CDKN2B-AS1: variants seen among roughly 807,000 people sequenced by gnomAD.
CDKN2B-AS1 encodes the protein CDKN2B and CDKN2A antisense cis and trans regulatory RNA 1, also known as CDKN2B antisense RNA 1 (non-protein coding).
At chr9:22,108,968 G>T (rs1485928296) in intron 4 of CDKN2B-AS1, among the ~76,000 whole-genome samples, 1 of 152,090 alleles carries the variant, frequency 6.6e-6, no homozygotes, top group Non-Finnish European at 1.5e-5. Flanking sequence ...AAAACTGAAA[G>T]ATGAAAACAT....
chr9:22,050,870 C>T (rs1412499190), intron 3 of CDKN2B-AS1, among the ~76,000 whole-genome samples: 1 of 152,174 alleles, frequency 6.6e-6, no homozygotes, highest in Non-Finnish European at 1.5e-5. Flanking sequence ...AGTGTGTGAC[C>T]TGCAAAGTGC....
At position 21,997,114 on chromosome 9, in the gene CDKN2B-AS1, A is replaced by C. The variant is rs908262659; in HGVS notation, n.29+1953A>C. On this transcript the variant is annotated intron_variant and non_coding_transcript_variant, in intron 1 of 4. Transcript: ENST00000650946. The surrounding 1 kb of genome is among the most constrained non-coding windows in gnomAD (Gnocchi z 4.8). ...TTGTGCAAACATCATATACAAACCTAGGTGGTATAGTCTATTATACATCTA... is the reference window on the plus strand; with the variant it reads ...TTGTGCAAACATCATATACAAACCTCGGTGGTATAGTCTATTATACATCTA... 2.0e-5 allele frequency among the ~76,000 whole-genome samples: 3 copies of C among 152,162 alleles called. No individual in the cohort carries two copies. Among genetic ancestry groups the C allele is most frequent in the Non-Finnish European group, 4.4e-5 (3 of 68,028 alleles).
chr9:22,102,471 C>G (rs1825518071), intron 4 of CDKN2B-AS1, among the ~76,000 whole-genome samples: 1 of 152,130 alleles, frequency 6.6e-6, no homozygotes, highest in South Asian at 2.1e-4. Flanking sequence ...TTTAGTCTGT[C>G]CAAGAGCCTC....
chr9:22,068,679 G>C (rs535137382), intron 4 of CDKN2B-AS1, among the ~76,000 whole-genome samples: 20 of 152,306 alleles, frequency 1.3e-4, no homozygotes, highest in East Asian at 3.9e-4. Context: ...ATTACTGAAT[G>C]AGCTCCTTTA....
At chr9:22,055,232 A>G (rs1823510197) in intron 3 of CDKN2B-AS1, among the ~76,000 whole-genome samples, 1 of 152,228 alleles carries the variant, frequency 6.6e-6, no homozygotes. Context: ...AAATCAAACT[A>G]AGATATCTGT....
intron 4 of CDKN2B-AS1, among the ~76,000 whole-genome samples, chr9:22,073,374 A>G (rs1563964177): frequency 6.6e-6 from 1 of 152,174 alleles, no homozygotes; most frequent in Non-Finnish European, 1.5e-5. Context: ...TTCTAAAAGC[A>G]CTGTGCATCT....
intron 4 of CDKN2B-AS1, chr9:22,121,145 T>C (rs1430149601): frequency 6.6e-6 from 1 of 151,964 alleles, no homozygotes; most frequent in Non-Finnish European, 1.5e-5. Context: ...TAACACATAA[T>C]CACTAATGTT....
intron 4 of CDKN2B-AS1, chr9:22,061,868 A>C (rs1300466926): frequency 6.6e-6 from 1 of 152,146 alleles, no homozygotes; most frequent in Admixed American, 6.5e-5. Context: ...ATATACACTT[A>C]TATATGTATG....
At chr9:22,127,522 G>A (rs963107215) in exon 5 of CDKN2B-AS1, among the ~76,000 whole-genome samples, 16 of 152,168 alleles carry the variant, frequency 1.1e-4, no homozygotes, top group African/African-American at 3.6e-4. Flanking sequence ...GAGCTTTAAC[G>A]AGGAAAAGAT....
At chr9:22,066,068 ATAG>A (rs1177035888) in intron 4 of CDKN2B-AS1, among the ~76,000 whole-genome samples, 15 of 152,118 alleles carry the variant, frequency 9.9e-5, no homozygotes, top group Admixed American at 8.5e-4. Context: ...TCTTTCTGTA[ATAG>A]CTCATATTGA....
chr9:22,047,964 T>G (rs568093385), intron 2 of CDKN2B-AS1, among the ~76,000 whole-genome samples: 27 of 37,230 alleles, frequency 7.3e-4, no homozygotes, highest in Admixed American at 1.1e-3. Flanking sequence ...ATTTTTGTAT[T>G]TTTTTTTTTT....
intron 4 of CDKN2B-AS1, among the ~76,000 whole-genome samples, chr9:22,121,486 A>C (rs1290811429): frequency 6.6e-6 from 1 of 152,098 alleles, no homozygotes; most frequent in Non-Finnish European, 1.5e-5. Flanking sequence ...GGTATAGAAC[A>C]CCAGAACTTA....
rs372284765 is a variant in CDKN2B-AS1 at position 22,006,061 on chromosome 9, G to A, written n.29+10900G>A. On this transcript the variant is annotated intron_variant and non_coding_transcript_variant, in intron 1 of 4. Transcript: ENST00000650946. The surrounding 1 kb of genome is among the most constrained non-coding windows in gnomAD (Gnocchi z 6.4). Reference sequence around the variant, plus strand: ...CGCTCCTCGGCCAAGTCCACGGGCAGACGACCCCAGGCATCGCGCACGTCC... The same window carrying A: ...CGCTCCTCGGCCAAGTCCACGGGCAAACGACCCCAGGCATCGCGCACGTCC... The A allele has an allele frequency of 1.3e-5, 21 of 1,606,034 alleles. No homozygotes were observed. Among genetic ancestry groups the A allele is most frequent in the Middle Eastern group, 3.4e-4 (2 of 5,946 alleles).
At chr9:22,087,886 T>C (rs974915316) in intron 4 of CDKN2B-AS1, among the ~76,000 whole-genome samples, 1 of 152,198 alleles carries the variant, frequency 6.6e-6, no homozygotes, top group Admixed American at 6.5e-5. Context: ...AGTGAAATAA[T>C]GTTATTAAAT....
chr9:22,086,427 A>G (rs1824870622), intron 4 of CDKN2B-AS1, among the ~76,000 whole-genome samples: 1 of 152,170 alleles, frequency 6.6e-6, no homozygotes, highest in African/African-American at 2.4e-5. Context: ...AGAGAAATTT[A>G]CCCGTCAGGG....
intron 4 of CDKN2B-AS1, among the ~76,000 whole-genome samples, chr9:22,078,044 T>A (rs571957900): frequency 6.6e-6 from 1 of 152,190 alleles, no homozygotes; most frequent in Non-Finnish European, 1.5e-5. Flanking sequence ...GCCCTGAAAC[T>A]TTTTTTCTCC....
In CDKN2B-AS1 at chr9:22,006,233, G is replaced by T. The variant is rs1821181531; in HGVS notation, n.29+11072G>T. Reference sequence around the variant, plus strand: ...GCAGCAGCTCCGCCACGCGGGCGCTGCCCATCATCATGACCTGCCAGAGAG... The same window carrying T: ...GCAGCAGCTCCGCCACGCGGGCGCTTCCCATCATCATGACCTGCCAGAGAG... On this transcript the variant is annotated intron_variant and non_coding_transcript_variant, in intron 1 of 4. Coordinates refer to ENST00000650946, the Ensembl canonical transcript of CDKN2B-AS1. This position sits in a 1 kb window ranked among gnomAD's most constrained non-coding sequence, Gnocchi z 6.4. 2 of 1,606,048 alleles carry T rather than the reference G, an allele frequency of 1.2e-6. No individual in the cohort carries two copies. Among genetic ancestry groups the T allele is most frequent in the African/African-American group, 2.7e-5 (2 of 75,072 alleles).
Position 22,033,141 on chromosome 9 carries a change from G to A in CDKN2B-AS1, n.30-13610G>A, listed in dbSNP as rs797013437. ...TCTAACTAATGGCTGATGATCTGAC[G>A]TGGAACAGTTTCAACCCAGAGCACC... On this transcript the variant is annotated intron_variant and non_coding_transcript_variant, in intron 1 of 4. Transcript: ENST00000650946. 1.2e-4 allele frequency among the ~76,000 whole-genome samples: 19 copies of A among 152,182 alleles called. 1 individual carries two copies. The highest frequency in any genetic ancestry group is 4.6e-4 in the African/African-American group (19 of 41,536).
chr9:22,038,422 G>A (rs1311587669), intron 1 of CDKN2B-AS1, among the ~76,000 whole-genome samples: 4 of 151,854 alleles, frequency 2.6e-5, no homozygotes, highest in African/African-American at 9.7e-5. Flanking sequence ...TGATAAATCT[G>A]TTCAAGATTT....
Sources: allele counts gnomAD v4.1 joint callset (sites outside exome capture counted in the v4.1 genomes callset), GRCh38; gene constraint gnomAD v4.1.1; non-coding constraint Gnocchi (gnomAD v3.1); transcripts MANE v1.5; gene names NCBI Gene and HGNC (gene_info 2026-07-23, HGNC 2026-07-21).